FNDC3A: variants seen among roughly 807,000 people sequenced by gnomAD.
The protein encoded by FNDC3A is fibronectin type-III domain-containing protein 3A.
FNDC3A carries 32 observed loss-of-function variants against 148.9 expected under a neutral mutation model. That is an observed-to-expected ratio of 0.21 (90% CI 0.16 to 0.29). The LOEUF (loss-of-function observed/expected upper bound fraction) is 0.29, where lower values mean the gene tolerates loss of function less well. Ranked by LOEUF, FNDC3A falls within the 10% of genes least tolerant of loss-of-function variation. The pLI is 1.00. For synonymous variants in FNDC3A, 472 were observed against 473.6 expected (o/e 1.00, Z 0.04); for missense variants, 1,191 against 1,452.8 (o/e 0.82, Z 2.93).
intron 2 of FNDC3A, among the ~76,000 whole-genome samples, chr13:49,056,551 T>C (rs1017127373): frequency 2.6e-5 from 4 of 152,226 alleles, no homozygotes; most frequent in Non-Finnish European, 5.9e-5. Flanking sequence ...TTCTTCATTC[T>C]CTGTTCTTCT....
intron 3 of FNDC3A, among the ~76,000 whole-genome samples, chr13:49,080,389 C>A (rs767055495): frequency 6.6e-6 from 1 of 152,046 alleles, no homozygotes; most frequent in Non-Finnish European, 1.5e-5. Context: ...CTCATTTTTT[C>A]CCCCTTCTTT....
intron 14 of FNDC3A, among the ~76,000 whole-genome samples, chr13:49,184,072 GTCT>G (rs576849593): frequency 1.1e-4 from 16 of 152,172 alleles, no homozygotes; most frequent in Non-Finnish European, 2.4e-4. Flanking sequence ...AGTTAAGGAA[GTCT>G]TCTTGGAAAT....
chr13:49,191,471 A>T, intron 19 of FNDC3A, 87 bp downstream of exon 19: 1 of 1,174,730 alleles, frequency 8.5e-7, no homozygotes, highest in South Asian at 1.8e-5. Flanking sequence ...TTATTTGGCC[A>T]TTTGGCTTTA....
intron 13 of FNDC3A, among the ~76,000 whole-genome samples, chr13:49,178,358 T>A (rs952790378): frequency 6.6e-6 from 1 of 152,214 alleles, no homozygotes; most frequent in Non-Finnish European, 1.5e-5. Context: ...CTAAGTGGCC[T>A]GCTTCATCTT....
intron 19 of FNDC3A, among the ~76,000 whole-genome samples, chr13:49,192,635 T>C (rs1885943337): frequency 6.6e-6 from 1 of 152,176 alleles, no homozygotes; most frequent in South Asian, 2.1e-4. Flanking sequence ...CTTAGGCTGC[T>C]CTTACACAAG....
chr13:49,114,410 TC>T (rs71188346), intron 3 of FNDC3A, among the ~76,000 whole-genome samples: 3 of 81,708 alleles, frequency 3.7e-5, no homozygotes, highest in African/African-American at 1.3e-4. Flanking sequence ...CCCTCCAACC[TC>T]CCCGCCCCCC....
chr13:49,044,708 C>A, intron 2 of FNDC3A: 1 of 268,414 alleles, frequency 3.7e-6, no homozygotes, highest in Non-Finnish European at 7.9e-6. Flanking sequence ...CTTGATTTCT[C>A]ATTTGAATGG....
chr13:49,141,002 A>G (rs1452061032), intron 7 of FNDC3A, among the ~76,000 whole-genome samples: 5 of 152,206 alleles, frequency 3.3e-5, no homozygotes, highest in Admixed American at 2.6e-4. Context: ...AGCACTGGAC[A>G]TGGCACATTT....
At chr13:49,181,296 C>G (rs1338962554) in intron 14 of FNDC3A, among the ~76,000 whole-genome samples, 1 of 152,180 alleles carries the variant, frequency 6.6e-6, no homozygotes, top group Non-Finnish European at 1.5e-5. Context: ...TATATTCTGG[C>G]TTATTAAGAT....
intron 2 of FNDC3A, among the ~76,000 whole-genome samples, chr13:49,020,317 A>T (rs181843196): frequency 6.6e-6 from 1 of 152,334 alleles, no homozygotes; most frequent in Admixed American, 6.5e-5. Context: ...AAAATTGGTG[A>T]ACAAGTCATA....
At chr13:49,038,684 T>A (rs1300374926) in intron 2 of FNDC3A, among the ~76,000 whole-genome samples, 2 of 152,194 alleles carry the variant, frequency 1.3e-5, no homozygotes, top group African/African-American at 2.4e-5. Context: ...CTGGGTTGAT[T>A]TTCTTACTGT....
chr13:49,068,238 C>T (rs893746694), intron 2 of FNDC3A, among the ~76,000 whole-genome samples: 2 of 151,282 alleles, frequency 1.3e-5, no homozygotes, highest in African/African-American at 4.9e-5. Flanking sequence ...GTGGTGTTCA[C>T]CTATAGTCCC....
In FNDC3A at chr13:49,018,394, C is replaced by T. The variant is rs1198545590; in HGVS notation, c.99+12105C>T. On this transcript the variant is annotated intron_variant, in intron 2 of 25. Coordinates refer to ENST00000492622, the MANE Select transcript of FNDC3A (RefSeq NM_001079673.2). ...TACCCTTTCTTCCAGTTGATCGCAT[C>T]GGCTCCTGAGGCTTCTGCATTCTTC... Among the ~76,000 whole-genome samples the T allele has an allele frequency of 3.9e-5, 6 of 152,142 alleles. No individual in the cohort carries two copies. The East Asian group carries it at 7.7e-4, about 20-fold the overall frequency.
intron 8 of FNDC3A, among the ~76,000 whole-genome samples, chr13:49,160,613 A>G (rs1228753764): frequency 7.9e-5 from 12 of 151,270 alleles, no homozygotes; most frequent in Non-Finnish European, 1.3e-4. Flanking sequence ...TTGTGTCTCT[A>G]TCCCCTTCAG....
rs1275060314 is a variant in FNDC3A, at chr13:49,045,082, CCTTTCCCTTTCCCTTTG to C, written c.100-30205_100-30189del. 5.2e-3 allele frequency: 612 copies of C among 118,358 alleles called. 2 individuals are homozygous for C. The highest frequency in any genetic ancestry group is 0.013 in the African/African-American group (409 of 30,482). The allele number at this position is 118,358 out of a possible 1,614,324, so 7.3% of individuals were successfully genotyped here. On this transcript the variant is annotated intron_variant, in intron 2 of 25. Coordinates refer to ENST00000492622, the MANE Select transcript of FNDC3A (RefSeq NM_001079673.2). ...TCCCTTTTCCTTTCCCTTTCCCTTT[CCTTTCCCTTTCCCTTTG>C]CCTTTCCCTTTCCTTTTTTCTTTCC...
At chr13:49,151,478 G>A (rs1049596337) in intron 8 of FNDC3A, among the ~76,000 whole-genome samples, 2 of 152,110 alleles carry the variant, frequency 1.3e-5, no homozygotes, top group African/African-American at 2.4e-5. Context: ...TTACAGGTGA[G>A]ATGAGTTTCT....
intron 10 of FNDC3A, among the ~76,000 whole-genome samples, chr13:49,170,810 G>T (rs1884715602): frequency 2.0e-5 from 3 of 152,156 alleles, no homozygotes; most frequent in Admixed American, 2.0e-4. Context: ...TTGGAGAAAA[G>T]CTAGAGGATC....
intron 2 of FNDC3A, among the ~76,000 whole-genome samples, chr13:49,073,738 A>G (rs2094169263): frequency 6.8e-6 from 1 of 146,484 alleles, no homozygotes. Flanking sequence ...ATATGTATAT[A>G]TAATATATGT....
At chr13:49,041,813 CAA>C (rs771071135) in intron 2 of FNDC3A, among the ~76,000 whole-genome samples, 17 of 64,286 alleles carry the variant, frequency 2.6e-4, no homozygotes, top group East Asian at 4.7e-4. Flanking sequence ...GACTCTGTCT[CAA>C]AAAAAAAAAA....
Sources: gnomAD v4.1 joint callset for allele counts (sites outside exome capture counted in the v4.1 genomes callset) on GRCh38, gnomAD v4.1.1 for gene constraint, MANE v1.5 for transcripts, NCBI Gene and HGNC (gene_info 2026-07-23, HGNC 2026-07-21) for gene names.